The following LRCH2 variants were observed in gnomAD, a reference collection of about 807,000 sequenced individuals.
The protein encoded by LRCH2 is leucine rich repeats and calponin homology domain containing 2.
A neutral mutation model predicts 68.9 loss-of-function variants in LRCH2; 38 were observed. The observed-to-expected ratio is 0.55, with a 90% CI of 0.43 to 0.72. LRCH2 has a LOEUF of 0.72. LRCH2 is among the 30% of genes least tolerant of loss of function. The pLI is 0.00. For synonymous variants in LRCH2, 191 were observed against 208.1 expected (o/e 0.92, Z 0.71); for missense variants, 528 against 572.9 (o/e 0.92, Z 0.80).
At chrX:115,220,966 T>C (rs1343653287) in intron 1 of LRCH2, among the ~76,000 whole-genome samples, 2 of 107,829 alleles carry the variant, frequency 1.9e-5, no homozygotes, top group African/African-American at 6.8e-5. Flanking sequence ...GGCGGGTGGA[T>C]CACGAGGTCA....
At chrX:115,190,789 G>A (rs920844667) in intron 1 of LRCH2, 27 of 1,163,898 alleles carry the variant, frequency 2.3e-5, no homozygotes, top group African/African-American at 1.6e-4. Flanking sequence ...CCGGTCCGAC[G>A]ACGCCTACAG....
Position 115,179,484 on chromosome X carries a change from C to T in LRCH2, c.807G>A (p.Leu269=). ...VTEIPVCYRK[L]HHLQVIILDN... is the part of the protein sequence containing the mutation. ...CCAAAATTATTACTTGTAAATGATG[C>T]AGCTTTCTGTAACAAACTGGAATTT... The change falls in exon 5 of 21, where the codon CTG becomes CTA. Residue 269 remains leucine, a synonymous_variant. Coordinates refer to ENST00000317135, the MANE Select transcript of LRCH2 (RefSeq NM_020871.4). The T allele has an allele frequency of 8.7e-7, 1 of 1,152,925 alleles. No individual in the cohort carries two copies. Among genetic ancestry groups the T allele is most frequent in the Admixed American group, 2.7e-5 (1 of 37,305 alleles).
chrX:115,166,227 G>T, intron 7 of LRCH2, 28 bp downstream of exon 7: 1 of 1,050,851 alleles, frequency 9.5e-7, no homozygotes, highest in Non-Finnish European at 1.3e-6. Context: ...TTGTAAAACA[G>T]AATGGATCAG....
chrX:115,153,749 T>TA (rs1156527153), intron 12 of LRCH2, among the ~76,000 whole-genome samples: 16 of 109,465 alleles, frequency 1.5e-4, no homozygotes, highest in Admixed American at 4.9e-4. Context: ...CTCTAACCCC[T>TA]AAAAAAACCA....
chrX:115,169,908 A>G (rs1569514418), intron 6 of LRCH2, among the ~76,000 whole-genome samples: 1 of 111,121 alleles, frequency 9.0e-6, no homozygotes, highest in African/African-American at 3.3e-5. Flanking sequence ...CATAAAGACT[A>G]TGATGAAAGG....
chrX:115,197,153 C>T lies in LRCH2; in HGVS notation c.350-8783G>A, dbSNP rs782672028. Among the ~76,000 whole-genome samples the T allele has an allele frequency of 6.3e-5, 7 of 111,857 alleles. No individual in the cohort carries two copies. In the South Asian group the frequency reaches 1.1e-3, roughly 18 times the overall value. The stretch of plus-strand genomic sequence containing the variant: ...CTTCAAGAAAAAAGTCCCCCATCCA[C>T]GTGAAAGTTATTTTTTTAAAAAGAT... On this transcript the variant is annotated intron_variant, in intron 1 of 20. Coordinates refer to ENST00000317135, the MANE Select transcript of LRCH2 (RefSeq NM_020871.4).
chrX:115,203,810 C>A (rs1257433726), intron 1 of LRCH2, among the ~76,000 whole-genome samples: 1 of 112,156 alleles, frequency 8.9e-6, no homozygotes, highest in Non-Finnish European at 1.9e-5. Flanking sequence ...TGAGAGCCTG[C>A]AGCTTTTCCA....
intron 20 of LRCH2, among the ~76,000 whole-genome samples, chrX:115,122,146 C>A (rs5988226): frequency 0.027 from 2,742 of 103,378 alleles, 90 homozygotes; most frequent in African/African-American, 0.092. Context: ...ACACTGAATG[C>A]AAATCTTCCA....
chrX:115,174,609 A>G (rs1161523411), intron 5 of LRCH2, among the ~76,000 whole-genome samples: 1 of 98,557 alleles, frequency 1.0e-5, no homozygotes, highest in African/African-American at 3.9e-5. Flanking sequence ...CCCCACACAC[A>G]CACACACACT....
At chrX:115,120,911 T>G (rs1421528522) in intron 20 of LRCH2, among the ~76,000 whole-genome samples, 2 of 105,179 alleles carry the variant, frequency 1.9e-5, no homozygotes, top group African/African-American at 6.9e-5. Flanking sequence ...CTCAGTAAAC[T>G]ATCGCAAGAA....
intron 14 of LRCH2, among the ~76,000 whole-genome samples, chrX:115,138,410 C>T (rs199924672): frequency 9.0e-6 from 1 of 111,460 alleles, no homozygotes; most frequent in East Asian, 2.8e-4. Context: ...TACGGTTTTC[C>T]CTGGGTCTTT....
rs1464185483 is a variant in LRCH2, at chrX:115,124,013, A to G, written c.1792-11T>C. On this transcript the variant is annotated splice_polypyrimidine_tract_variant and intron_variant, in intron 16 of 20. Coordinates refer to ENST00000317135, the MANE Select transcript of LRCH2 (RefSeq NM_020871.4). ...AGTTCTGTCATATTCCTAAAAAAAAATTAAAAAGTTAAAAATAAATAAATA... is the reference window on the plus strand; with the variant it reads ...AGTTCTGTCATATTCCTAAAAAAAAGTTAAAAAGTTAAAAATAAATAAATA... The G allele has an allele frequency of 7.1e-6, 7 of 988,576 alleles. No homozygotes were observed. Among genetic ancestry groups the G allele is most frequent in the Non-Finnish European group, 6.7e-6 (5 of 751,871 alleles). 81.5% of individuals were successfully genotyped at this position (988,576 alleles called of 1,213,427 possible).
intron 1 of LRCH2, chrX:115,190,267 A>G (rs782807642): frequency 1.7e-6 from 2 of 1,153,548 alleles, no homozygotes; most frequent in South Asian, 2.0e-5. Context: ...CCGTCCCTTG[A>G]GAGGCGACGG....
In LRCH2 at chrX:115,170,376, G is replaced by A; in HGVS notation, c.921C>T (p.Cys307=). 1 of 1,177,195 alleles carries A rather than the reference G, an allele frequency of 8.5e-7. No individual in the cohort carries two copies. Among genetic ancestry groups the A allele is most frequent in the Non-Finnish European group, 1.1e-6 (1 of 877,900 alleles). The change falls in exon 6 of 21, where the codon TGC becomes TGT. Residue 307 remains cysteine (C), a synonymous_variant. Coordinates refer to ENST00000317135, the MANE Select transcript of LRCH2 (RefSeq NM_020871.4). The stretch of plus-strand genomic sequence containing the variant: ...GGGAATCTGGTTTCTTATCCATTCT[G>A]CAACATGCTTGAATATTTAAGTACT... The part of the protein sequence containing the change: ...IFKYLNIQAC[C]RMDKKPDSLD...
intron 14 of LRCH2, among the ~76,000 whole-genome samples, chrX:115,147,043 G>A (rs2072391301): frequency 9.2e-6 from 1 of 108,299 alleles, no homozygotes; most frequent in South Asian, 3.9e-4. Context: ...TCATTTATAC[G>A]TATTAAGATA....
At chrX:115,166,427 T>C (rs2147389873) in intron 6 of LRCH2, 85 bp from the exon 7 acceptor site, 1 of 570,534 alleles carries the variant, frequency 1.8e-6, no homozygotes, top group Non-Finnish European at 2.9e-6. Flanking sequence ...CCCTAGATAA[T>C]ACAGAATATA....
At chrX:115,126,103 T>A (rs1188913629) in intron 16 of LRCH2, among the ~76,000 whole-genome samples, 1 of 111,726 alleles carries the variant, frequency 9.0e-6, no homozygotes. Context: ...GTTGAATTCA[T>A]CAAATGAATG....
chrX:115,193,930 T>C (rs930208894), intron 1 of LRCH2, among the ~76,000 whole-genome samples: 1 of 111,536 alleles, frequency 9.0e-6, no homozygotes, highest in Non-Finnish European at 1.9e-5. Context: ...TAGTTAAAAA[T>C]GTAAGAAAAT....
chrX:115,178,126 C>G, intron 5 of LRCH2, among the ~76,000 whole-genome samples: 1 of 110,636 alleles, frequency 9.0e-6, no homozygotes, highest in Non-Finnish European at 1.9e-5. Flanking sequence ...AGTGAGTCAT[C>G]ATCTGGCCAC....
Sources: allele counts gnomAD v4.1 joint callset (sites outside exome capture counted in the v4.1 genomes callset), GRCh38; gene constraint gnomAD v4.1.1; transcripts MANE v1.5; gene names NCBI Gene and HGNC (gene_info 2026-07-23, HGNC 2026-07-21).